TMEM117: variants seen among roughly 807,000 people sequenced by gnomAD.
The protein encoded by TMEM117 is transmembrane protein 117.
In TMEM117, 27 loss-of-function variants were observed where a neutral mutation model predicts 52.4. That is an observed-to-expected ratio of 0.51 (90% CI 0.38 to 0.71). The LOEUF (loss-of-function observed/expected upper bound fraction) is 0.71. Ranked by LOEUF, TMEM117 falls within the 30% of genes least tolerant of loss-of-function variation. The pLI, the probability that TMEM117 is intolerant of heterozygous loss-of-function variation, is 0.00. For missense variants in TMEM117, 556 were observed against 630.5 expected, an observed-to-expected ratio of 0.88 and a Z score of 1.26; for synonymous variants, 215 against 206.3, an observed-to-expected ratio of 1.04 and a Z score of -0.36.
intron 3 of TMEM117, among the ~76,000 whole-genome samples, chr12:43,995,655 T>C (rs1455764139): frequency 6.6e-6 from 1 of 152,202 alleles, no homozygotes; most frequent in East Asian, 1.9e-4. Context: ...CTGTACCCAA[T>C]ATGTAGTCTT....
Position 43,843,113 on chromosome 12 carries a change from A to G in TMEM117, c.-28-1511A>G, listed in dbSNP as rs572385224. ...AAAAATGATACAATGATACACGCAG[A>G]CATCCAGCACAGAGCCTGGCATGCA... On this transcript the variant is annotated intron_variant, in intron 1 of 7. Coordinates refer to ENST00000266534, the MANE Select transcript of TMEM117 (RefSeq NM_032256.3). Among the ~76,000 whole-genome samples the G allele has an allele frequency of 2.6e-5, 4 of 152,348 alleles. No individual in the cohort carries two copies. The East Asian group carries it at 7.7e-4, about 29-fold the overall frequency.
intron 5 of TMEM117, among the ~76,000 whole-genome samples, chr12:44,240,504 A>G (rs189723612): frequency 4.0e-4 from 61 of 152,164 alleles, no homozygotes; most frequent in Non-Finnish European, 6.8e-4. Flanking sequence ...GGTCTTTGCT[A>G]TCCTCTCCTT....
intron 5 of TMEM117, among the ~76,000 whole-genome samples, chr12:44,224,456 A>C (rs1397308173): frequency 6.7e-6 from 1 of 149,942 alleles, no homozygotes; most frequent in Non-Finnish European, 1.5e-5. Flanking sequence ...AAGGGGAACC[A>C]GGGATGAGTA....
At chr12:44,097,526 T>C (rs1484441270) in intron 3 of TMEM117, among the ~76,000 whole-genome samples, 1 of 152,000 alleles carries the variant, frequency 6.6e-6, no homozygotes, top group African/African-American at 2.4e-5. Flanking sequence ...CATGGAATAC[T>C]ATGCAGCCAT....
intron 6 of TMEM117, among the ~76,000 whole-genome samples, chr12:44,354,959 G>A (rs952265788): frequency 6.6e-6 from 1 of 151,798 alleles, no homozygotes; most frequent in African/African-American, 2.4e-5. Flanking sequence ...ATAATCACTG[G>A]GGAAAGCTTA....
chr12:44,080,706 G>T (rs553486387), intron 3 of TMEM117, among the ~76,000 whole-genome samples: 30 of 152,166 alleles, frequency 2.0e-4, no homozygotes, highest in African/African-American at 5.5e-4. Context: ...ATCAAAAGAA[G>T]AAGAATATTT....
At chr12:44,078,216 A>G (rs1947413796) in intron 3 of TMEM117, among the ~76,000 whole-genome samples, 1 of 152,220 alleles carries the variant, frequency 6.6e-6, no homozygotes, top group African/African-American at 2.4e-5. Flanking sequence ...CTCAACTAGT[A>G]TTTTGAAGGG....
Position 44,195,096 on chromosome 12 carries a change from T to C in TMEM117, c.511-16194T>C, listed in dbSNP as rs1949401299. Among the ~76,000 whole-genome samples, 3 of 152,332 alleles carry C rather than the reference T, an allele frequency of 2.0e-5. No homozygotes were observed. In the South Asian group the frequency reaches 6.2e-4, roughly 32 times the overall value. On this transcript the variant is annotated intron_variant, in intron 4 of 7. Coordinates refer to ENST00000266534, the MANE Select transcript of TMEM117 (RefSeq NM_032256.3). ...CTCACTCTTCTGTAGGTCAAGTCTA[T>C]GTGGGCTCCACTGGGTTCTCTACTT...
At chr12:44,397,587 G>A in the TMEM117 span, among the ~76,000 whole-genome samples, 1 of 152,146 alleles carries the variant, frequency 6.6e-6, no homozygotes, top group African/African-American at 2.4e-5. Flanking sequence ...TTTATAACTG[G>A]TATCTCAGAA....
intron 2 of TMEM117, among the ~76,000 whole-genome samples, chr12:43,852,025 G>A (rs1443098477): frequency 2.0e-5 from 3 of 151,978 alleles, no homozygotes; most frequent in African/African-American, 4.8e-5. Flanking sequence ...CCAGCTGGGC[G>A]CGGTGGCTCA....
chr12:44,206,347 A>C (rs57655063), intron 4 of TMEM117, among the ~76,000 whole-genome samples: 1 of 151,430 alleles, frequency 6.6e-6, no homozygotes, highest in African/African-American at 2.4e-5. Context: ...TAAACCAACA[A>C]CCTCCAGCGT....
intron 2 of TMEM117, among the ~76,000 whole-genome samples, chr12:43,898,719 T>C (rs966749001): frequency 2.0e-4 from 31 of 152,146 alleles, no homozygotes; most frequent in African/African-American, 7.5e-4. Flanking sequence ...TACAACACAG[T>C]AGTTAGTTGT....
At chr12:43,855,164 T>C (rs1042789231) in intron 2 of TMEM117, among the ~76,000 whole-genome samples, 1 of 152,216 alleles carries the variant, frequency 6.6e-6, no homozygotes, top group African/African-American at 2.4e-5. Flanking sequence ...TTTGGTCAGG[T>C]TTTGCGAATA....
intron 5 of TMEM117, among the ~76,000 whole-genome samples, chr12:44,213,481 C>G (rs1949674038): frequency 2.0e-5 from 3 of 152,292 alleles, no homozygotes; most frequent in Admixed American, 2.0e-4. Context: ...TGGATGGTCT[C>G]TCTTAAAACA....
chr12:44,387,794 A>C (rs1379294597), intron 7 of TMEM117, among the ~76,000 whole-genome samples: 2 of 152,110 alleles, frequency 1.3e-5, no homozygotes, highest in Non-Finnish European at 2.9e-5. Flanking sequence ...AAATGCCATA[A>C]ATTACTGGCT....
the TMEM117 span, among the ~76,000 whole-genome samples, chr12:43,813,231 G>GTTGTTTTTTTTT: frequency 6.1e-4 from 38 of 62,666 alleles, 2 homozygotes; most frequent in African/African-American, 2.1e-3. Flanking sequence ...GTTTTCTCTT[G>GTTGTTTTTTTTT]TTTTTTTTTT....
At chr12:44,318,913 G>C (rs1179376454) in intron 6 of TMEM117, among the ~76,000 whole-genome samples, 1 of 152,214 alleles carries the variant, frequency 6.6e-6, no homozygotes, top group Non-Finnish European at 1.5e-5. Flanking sequence ...CATGATCTCA[G>C]GTGAGCAGGA....
At chr12:44,137,841 G>T (rs2138186823) in intron 3 of TMEM117, among the ~76,000 whole-genome samples, 1 of 152,230 alleles carries the variant, frequency 6.6e-6, no homozygotes, top group African/African-American at 2.4e-5. Flanking sequence ...GATGAGATTT[G>T]GGTAGGGACA....
At chr12:44,116,759 C>T (rs1278504195) in intron 3 of TMEM117, among the ~76,000 whole-genome samples, 2 of 152,142 alleles carry the variant, frequency 1.3e-5, no homozygotes, top group Admixed American at 6.5e-5. Flanking sequence ...TTCTTTTAAC[C>T]CCATCTTTTT....
Sources: gnomAD v4.1 joint callset for allele counts (sites outside exome capture counted in the v4.1 genomes callset) on GRCh38, gnomAD v4.1.1 for gene constraint, MANE v1.5 for transcripts, NCBI Gene and HGNC (gene_info 2026-07-23, HGNC 2026-07-21) for gene names.